SPRY3: variants seen among roughly 807,000 people sequenced by gnomAD.
The protein encoded by SPRY3 is sprouty RTK signaling antagonist 3, also known as protein sprouty homolog 3.
Under a neutral mutation model 20.2 loss-of-function variants are expected in SPRY3, and 15 were observed. That is an observed-to-expected ratio of 0.74 (90% CI 0.50 to 1.14). The LOEUF (loss-of-function observed/expected upper bound fraction) is 1.14. Among genes scored for constraint, SPRY3 ranks in the 50% most tolerant of loss-of-function variants. The pLI is 0.00. For missense variants in SPRY3, 364 were observed against 363.9 expected, an observed-to-expected ratio of 1.00 and a Z score of 0.00; for synonymous variants, 143 against 136.5, an observed-to-expected ratio of 1.05 and a Z score of -0.33.
intron 2 of SPRY3, among the ~76,000 whole-genome samples, chrX:155,756,529 T>A (rs1040218457): frequency 4.6e-5 from 7 of 151,920 alleles, no homozygotes; most frequent in African/African-American, 1.7e-4. Flanking sequence ...GTCATAGAGG[T>A]AAGTTCTCTA....
chrX:155,717,569 CT>C (rs1172841075), intron 2 of SPRY3, among the ~76,000 whole-genome samples: 2 of 151,998 alleles, frequency 1.3e-5, no homozygotes, highest in Non-Finnish European at 2.9e-5. Context: ...CCCCCACCCC[CT>C]GACAGGCCCC....
intron 1 of SPRY3, among the ~76,000 whole-genome samples, chrX:155,621,843 C>T (rs1316946822): frequency 9.0e-6 from 1 of 111,660 alleles, no homozygotes; most frequent in Non-Finnish European, 1.9e-5. Context: ...TTCATTTATA[C>T]CGTATCTTAT....
chrX:155,665,201 A>G (rs963895933), intron 2 of SPRY3, among the ~76,000 whole-genome samples: 7 of 110,738 alleles, frequency 6.3e-5, no homozygotes, highest in African/African-American at 2.3e-4. Context: ...TATTCACCGG[A>G]TTGGCAAAAT....
At chrX:155,719,225 C>A (rs2091040861) in intron 2 of SPRY3, among the ~76,000 whole-genome samples, 1 of 152,110 alleles carries the variant, frequency 6.6e-6, no homozygotes, top group Non-Finnish European at 1.5e-5. Flanking sequence ...AGAAAACAAA[C>A]CAAATCAAAC....
At chrX:155,651,541 G>A (rs112445355) in intron 1 of SPRY3, among the ~76,000 whole-genome samples, 1,870 of 110,909 alleles carry the variant, frequency 0.017, 54 homozygotes, top group African/African-American at 0.059. Flanking sequence ...ATTGAATTTT[G>A]AATTTTAAAA....
At chrX:155,700,858 C>T (rs1274175337) in intron 2 of SPRY3, among the ~76,000 whole-genome samples, 2 of 43,674 alleles carry the variant, frequency 4.6e-5, no homozygotes, top group African/African-American at 1.5e-4. Flanking sequence ...TGAGAATATG[C>T]GGTGTTTGGT....
At chrX:155,704,536 A>C (rs1035000989) in intron 2 of SPRY3, among the ~76,000 whole-genome samples, 1 of 151,776 alleles carries the variant, frequency 6.6e-6, no homozygotes, top group African/African-American at 2.4e-5. Context: ...GACAATATCA[A>C]ATGTTCTAAC....
intron 1 of SPRY3, among the ~76,000 whole-genome samples, chrX:155,647,424 A>T (rs2067961372): frequency 9.0e-6 from 1 of 110,831 alleles, no homozygotes; most frequent in Non-Finnish European, 1.9e-5. Context: ...TGTCATCTAC[A>T]TTAGGTATTT....
intron 2 of SPRY3, among the ~76,000 whole-genome samples, chrX:155,678,876 G>C (rs1480570747): frequency 3.6e-5 from 4 of 111,923 alleles, no homozygotes; most frequent in Non-Finnish European, 7.5e-5. Context: ...TTTACACTCT[G>C]ATCAGTCTTG....
intron 3 of SPRY3, among the ~76,000 whole-genome samples, chrX:155,773,492 G>C (rs2091397101): frequency 6.6e-6 from 1 of 151,778 alleles, no homozygotes; most frequent in Non-Finnish European, 1.5e-5. Context: ...ACCTGAATGA[G>C]CTAGCTGCTC....
chrX:155,746,409 AC>A (rs1229684672), intron 2 of SPRY3, among the ~76,000 whole-genome samples: 1 of 151,998 alleles, frequency 6.6e-6, no homozygotes, highest in African/African-American at 2.4e-5. Context: ...TATTGTTAAT[AC>A]AATTTTTTCA....
At chrX:155,772,737 G>A (rs764504794) in intron 3 of SPRY3, among the ~76,000 whole-genome samples, 3 of 152,036 alleles carry the variant, frequency 2.0e-5, no homozygotes, top group African/African-American at 2.4e-5. Context: ...CTTCCTGACT[G>A]TAGTACAATG....
intron 2 of SPRY3, among the ~76,000 whole-genome samples, chrX:155,707,952 G>T (rs771870689): frequency 6.6e-6 from 1 of 150,988 alleles, no homozygotes; most frequent in South Asian, 2.1e-4. Context: ...TGTGATCTTT[G>T]CTAATATTTT....
intron 1 of SPRY3, among the ~76,000 whole-genome samples, chrX:155,619,365 T>C (rs1388494900): frequency 9.0e-6 from 1 of 110,684 alleles, no homozygotes; most frequent in Non-Finnish European, 1.9e-5. Context: ...GTTTCTGTTT[T>C]TTTGTATTTG....
chrX:155,660,740 T>C (rs1169354541), intron 2 of SPRY3, among the ~76,000 whole-genome samples: 1 of 111,240 alleles, frequency 9.0e-6, no homozygotes, highest in African/African-American at 3.3e-5. Context: ...TCATATCTTC[T>C]TGTTGATTTG....
At chrX:155,769,943 A>G (rs1009982412) in intron 3 of SPRY3, among the ~76,000 whole-genome samples, 1 of 152,186 alleles carries the variant, frequency 6.6e-6, no homozygotes, top group Admixed American at 6.5e-5. Context: ...TTTTGCACAG[A>G]GAGGGATTTT....
intron 1 of SPRY3, among the ~76,000 whole-genome samples, chrX:155,636,119 A>G (rs2067922530): frequency 8.9e-6 from 1 of 111,751 alleles, no homozygotes; most frequent in Non-Finnish European, 1.9e-5. Flanking sequence ...CGGGGACACA[A>G]TGATTCCATT....
chrX:155,649,870 C>G (rs1331922188), intron 1 of SPRY3, among the ~76,000 whole-genome samples: 27 of 111,372 alleles, frequency 2.4e-4, no homozygotes, highest in Non-Finnish European at 1.5e-4. Flanking sequence ...TTAGAAAACC[C>G]CATCGTCTCA....
intron 2 of SPRY3, among the ~76,000 whole-genome samples, chrX:155,674,882 T>C (rs1239587934): frequency 9.0e-6 from 1 of 111,705 alleles, no homozygotes; most frequent in Non-Finnish European, 1.9e-5. Context: ...ACTACAGATC[T>C]TTCTATGTTT....
Sources: allele counts gnomAD v4.1 joint callset (sites outside exome capture counted in the v4.1 genomes callset), GRCh38; gene constraint gnomAD v4.1.1; transcripts MANE v1.5; gene names NCBI Gene and HGNC (gene_info 2026-07-23, HGNC 2026-07-21).